Variants in PCDHA8 observed in about 807,000 individuals in gnomAD.
PCDHA8 encodes the protein protocadherin alpha 8, also known as protocadherin alpha-8.
A neutral mutation model predicts 61.8 loss-of-function variants in PCDHA8; 53 were observed. That is an observed-to-expected ratio of 0.86 (90% CI 0.69 to 1.08). The LOEUF (loss-of-function observed/expected upper bound fraction) is 1.08. Ranked by LOEUF, PCDHA8 falls within the 50% of genes least tolerant of loss-of-function variation. The pLI is 0.00. For synonymous variants in PCDHA8, 618 were observed against 556.6 expected (o/e 1.11, Z -1.55); for missense variants, 1,293 against 1,245.0 (o/e 1.04, Z -0.58).
intron 1 of PCDHA8, chr5:140,862,870 G>T: frequency 1.8e-6 from 1 of 569,162 alleles, no homozygotes; most frequent in Non-Finnish European, 3.4e-6. Flanking sequence ...GACGCTGCCA[G>T]GTATTAGTGC....
chr5:140,925,108 G>GGAAGGAAGGAAGGAAGGAAGGAA (rs1554202548), intron 1 of PCDHA8, among the ~76,000 whole-genome samples: 19 of 124,700 alleles, frequency 1.5e-4, no homozygotes, highest in Middle Eastern at 4.0e-3. Context: ...GAAGGAAGGA[G>GGAAGGAAGGAAGGAAGGAAGGAA]GGAAGGAAGG....
chr5:140,926,704 T>C (rs1481559865), intron 1 of PCDHA8: 7 of 842,670 alleles, frequency 8.3e-6, no homozygotes, highest in Non-Finnish European at 1.2e-5. Context: ...GGCTCCCAGC[T>C]GGCCAGCCCC....
At chr5:140,874,064 A>T (rs554642692) in intron 1 of PCDHA8, among the ~76,000 whole-genome samples, 17 of 152,334 alleles carry the variant, frequency 1.1e-4, no homozygotes, top group Admixed American at 1.1e-3. Flanking sequence ...AATTTAAATA[A>T]TTAGCCTGAT....
intron 1 of PCDHA8, chr5:140,858,620 C>G: frequency 1.8e-6 from 2 of 1,142,316 alleles, no homozygotes; most frequent in East Asian, 5.1e-5. Flanking sequence ...TTATCCTACC[C>G]AGTGTGTCAG....
Position 140,962,743 on chromosome 5 carries a change from A to T in PCDHA8, c.2395-16206A>T, listed in dbSNP as rs1298793627. 2.0e-5 allele frequency among the ~76,000 whole-genome samples: 3 copies of T among 152,324 alleles called. No individual in the cohort carries two copies. The East Asian group carries it at 5.8e-4, about 29-fold the overall frequency. On this transcript the variant is annotated intron_variant, in intron 1 of 3. Coordinates refer to ENST00000531613, the MANE Select transcript of PCDHA8 (RefSeq NM_018911.3). Reference sequence around the variant, plus strand: ...ATTTTCCTTCTGGGGATGCATGAAGATCAGGAATCCTATTCGTTTTTAACA... The same window carrying T: ...ATTTTCCTTCTGGGGATGCATGAAGTTCAGGAATCCTATTCGTTTTTAACA...
At chr5:140,977,379 C>T (rs921133722) in intron 1 of PCDHA8, among the ~76,000 whole-genome samples, 4 of 152,134 alleles carry the variant, frequency 2.6e-5, no homozygotes, top group African/African-American at 2.4e-5. Flanking sequence ...AGTCATATTT[C>T]CAGGTTTATA....
chr5:140,961,135 A>T (rs1554225235), intron 1 of PCDHA8, among the ~76,000 whole-genome samples: 2 of 152,186 alleles, frequency 1.3e-5, no homozygotes, highest in African/African-American at 4.8e-5. Flanking sequence ...TTGGCACTTA[A>T]GAGTTGGCAT....
intron 1 of PCDHA8, among the ~76,000 whole-genome samples, chr5:140,975,996 C>G (rs923472287): frequency 4.6e-5 from 7 of 152,064 alleles, no homozygotes; most frequent in African/African-American, 1.7e-4. Flanking sequence ...GAGGTACCAT[C>G]TAAGTATTAA....
Position 140,846,415 on chromosome 5 carries a change from C to A in PCDHA8, c.2394+2700C>A, listed in dbSNP as rs1440795292. ...TTTGAGACGGAGTCTCGCTCTATCT[C>A]CCAGGCTGGAATGCAGTGGCGCAAT... On this transcript the variant is annotated intron_variant, in intron 1 of 3. Coordinates refer to ENST00000531613, the MANE Select transcript of PCDHA8 (RefSeq NM_018911.3). Among the ~76,000 whole-genome samples the A allele has an allele frequency of 3.7e-5, 5 of 135,678 alleles. 2 individuals carry two copies. Among genetic ancestry groups the A allele is most frequent in the Non-Finnish European group, 7.9e-5 (5 of 62,902 alleles). The allele number at this position is 135,678 out of a possible 152,430, so 89.0% of individuals were successfully genotyped here.
At position 140,842,872 on chromosome 5, in the gene PCDHA8, G is replaced by A. The variant is rs1554139490; in HGVS notation, c.1551G>A (p.Val517=). ...YISVHTESGK[V]YALQPLDHEE... ...CGGTGCACACGGAGAGCGGCAAGGTGTACGCGCTGCAGCCGCTGGACCACG... is the reference window on the plus strand; with the variant it reads ...CGGTGCACACGGAGAGCGGCAAGGTATACGCGCTGCAGCCGCTGGACCACG... The change falls in exon 1 of 4, where the codon GTG becomes GTA. Residue 517 remains valine (V), a synonymous_variant. Coordinates refer to ENST00000531613, the MANE Select transcript of PCDHA8 (RefSeq NM_018911.3). The A allele has an allele frequency of 4.4e-6, 7 of 1,594,088 alleles. No homozygotes were observed. Among genetic ancestry groups the A allele is most frequent in the Middle Eastern group, 2.1e-4 (1 of 4,770 alleles).
intron 1 of PCDHA8, chr5:140,849,998 G>C (rs1331024860): frequency 6.3e-7 from 1 of 1,597,138 alleles, no homozygotes; most frequent in Admixed American, 1.7e-5. Context: ...GGTTGGGCGA[G>C]CGCTCGCTGT....
intron 1 of PCDHA8, among the ~76,000 whole-genome samples, chr5:140,935,913 GACAGATTC>G (rs1178474379): frequency 8.0e-6 from 1 of 125,106 alleles, no homozygotes; most frequent in Admixed American, 8.3e-5. Context: ...TTTTTTTTGA[GACAGATTC>G]TCATTCTGTT....
intron 1 of PCDHA8, chr5:140,865,531 T>A (rs562505947): frequency 4.6e-5 from 7 of 152,326 alleles, no homozygotes; most frequent in African/African-American, 1.7e-4. Flanking sequence ...ATTCTCTTCA[T>A]CCATAGCTAT....
intron 1 of PCDHA8, among the ~76,000 whole-genome samples, chr5:140,955,323 G>A (rs1213005534): frequency 6.6e-6 from 1 of 152,098 alleles, no homozygotes; most frequent in East Asian, 1.9e-4. Flanking sequence ...ACCTTGAATT[G>A]TAGTTCCCAT....
chr5:140,917,853 G>A (rs1187603480), intron 1 of PCDHA8, among the ~76,000 whole-genome samples: 1 of 151,906 alleles, frequency 6.6e-6, no homozygotes, highest in African/African-American at 2.4e-5. Flanking sequence ...TTTTTGCTTA[G>A]GATTGCTTTG....
intron 3 of PCDHA8, among the ~76,000 whole-genome samples, chr5:140,985,009 C>T (rs567801905): frequency 9.3e-4 from 141 of 152,162 alleles, no homozygotes; most frequent in African/African-American, 3.3e-3. Flanking sequence ...ACGATATCGG[C>T]TCACAGCAAC....
At chr5:140,876,456 T>C (rs2056356318) in intron 1 of PCDHA8, 11 of 1,613,932 alleles carry the variant, frequency 6.8e-6, no homozygotes, top group Non-Finnish European at 8.5e-6. Context: ...AAGGGATTCC[T>C]TCCATGGCAG....
At chr5:140,967,712 G>A in intron 1 of PCDHA8, 2 of 1,614,196 alleles carry the variant, frequency 1.2e-6, no homozygotes, top group Non-Finnish European at 1.7e-6. Flanking sequence ...CAGTACCGGG[G>A]AAGTGCGAGT....
At chr5:140,986,583 T>C (rs1265983211) in intron 3 of PCDHA8, among the ~76,000 whole-genome samples, 1 of 152,170 alleles carries the variant, frequency 6.6e-6, no homozygotes, top group African/African-American at 2.4e-5. Flanking sequence ...TTTTTCCAGC[T>C]CCTCTTTCTA....
Sources: gnomAD v4.1 joint callset for allele counts (sites outside exome capture counted in the v4.1 genomes callset) on GRCh38, gnomAD v4.1.1 for gene constraint, MANE v1.5 for transcripts, NCBI Gene and HGNC (gene_info 2026-07-23, HGNC 2026-07-21) for gene names.